Variants in MAP3K3 observed in about 807,000 individuals in gnomAD.
The protein encoded by MAP3K3 is MAP/ERK kinase kinase 3.
Under a neutral mutation model 80.9 loss-of-function variants are expected in MAP3K3, and 12 were observed. The observed-to-expected ratio is 0.15, with a 90% CI of 0.10 to 0.24. The LOEUF (loss-of-function observed/expected upper bound fraction) is 0.24. Ranked by LOEUF, MAP3K3 falls within the 10% of genes least tolerant of loss-of-function variation. The pLI is 1.00. For missense variants in MAP3K3, 596 were observed against 834.7 expected (o/e 0.71, Z 3.52); for synonymous variants, 272 against 307.1 (o/e 0.89, Z 1.19).
In MAP3K3 at chr17:63,659,525, CTTTTTTTTTTTTT is replaced by C. The variant is rs57166616; in HGVS notation, c.381+1630_381+1642del. 1.1e-4 allele frequency among the ~76,000 whole-genome samples: 7 copies of C among 64,576 alleles called. No homozygotes were observed. The South Asian group carries it at 2.6e-3, about 24-fold the overall frequency. The allele number at this position is 64,576 out of a possible 152,430, so 42.4% of individuals were successfully genotyped here. ...CTTTTGATTTCAAATCTGTCATGGA[CTTTTTTTTTTTTT>C]TTTTTTTTTTTGGAGATGGAGTCTC... On this transcript the variant is annotated intron_variant, in intron 5 of 15. Transcript: ENST00000361733.
intron 9 of MAP3K3, 79 bp from the exon 10 acceptor site, chr17:63,688,710 C>T: frequency 2.1e-6 from 3 of 1,409,228 alleles, no homozygotes; most frequent in South Asian, 1.2e-5. Flanking sequence ...TTTGAGGTCT[C>T]AGGTGCCTTG....
intron 5 of MAP3K3, among the ~76,000 whole-genome samples, chr17:63,661,353 T>C (rs1002611105): frequency 4.6e-5 from 7 of 152,208 alleles, no homozygotes; most frequent in Non-Finnish European, 1.5e-5. Flanking sequence ...GGCCAGTCTC[T>C]TTGTCTGAAA....
At chr17:63,685,152 C>T (rs1459470651) in intron 7 of MAP3K3, among the ~76,000 whole-genome samples, 1 of 152,066 alleles carries the variant, frequency 6.6e-6, no homozygotes, top group Non-Finnish European at 1.5e-5. Flanking sequence ...GGAGTGTAAA[C>T]AGAAGCATTA....
At chr17:63,644,433 C>G (rs2034503063) in intron 2 of MAP3K3, among the ~76,000 whole-genome samples, 1 of 152,162 alleles carries the variant, frequency 6.6e-6, no homozygotes, top group South Asian at 2.1e-4. Context: ...CCAGGCTGGT[C>G]TCAAACTCCT....
At chr17:63,656,107 G>A (rs2034761531) in intron 4 of MAP3K3, among the ~76,000 whole-genome samples, 1 of 151,890 alleles carries the variant, frequency 6.6e-6, no homozygotes, top group Non-Finnish European at 1.5e-5. Flanking sequence ...CCTCATGCCT[G>A]TAATCCCAGC....
At chr17:63,647,105 G>T (rs556046989) in intron 3 of MAP3K3, among the ~76,000 whole-genome samples, 6 of 152,232 alleles carry the variant, frequency 3.9e-5, no homozygotes, top group African/African-American at 1.2e-4. Flanking sequence ...TTTGCAGCTG[G>T]CTCCAGAGGA....
chr17:63,693,483 G>T lies in MAP3K3; in HGVS notation c.1653-66G>T, dbSNP rs757072888. 2.8e-6 allele frequency: 4 copies of T among 1,416,588 alleles called. No individual in the cohort carries two copies. Among genetic ancestry groups the T allele is most frequent in the Non-Finnish European group, 3.9e-6 (4 of 1,029,596 alleles). 87.8% of individuals were successfully genotyped at this position (1,416,588 alleles called of 1,614,324 possible). A position where few individuals can be genotyped will look rare whatever the true frequency, so the allele number is the denominator to read the frequency against. ...TGTGAGAAAGGCGCCTCTTTCTGCAGTGGTGGGCAGGACAGCTGGGAGTCC... is the reference window on the plus strand; with the variant it reads ...TGTGAGAAAGGCGCCTCTTTCTGCATTGGTGGGCAGGACAGCTGGGAGTCC... On this transcript the variant is annotated intron_variant, in intron 15 of 15. Coordinates refer to ENST00000361733, the MANE Select transcript of MAP3K3 (RefSeq NM_002401.5). This position sits in a 1 kb window ranked among gnomAD's most constrained non-coding sequence, Gnocchi z 4.2.
intron 3 of MAP3K3, among the ~76,000 whole-genome samples, chr17:63,649,052 G>T (rs926295742): frequency 6.6e-6 from 1 of 152,176 alleles, no homozygotes; most frequent in Non-Finnish European, 1.5e-5. Context: ...TTCTATATCT[G>T]TGCTGTCCAG....
intron 7 of MAP3K3, among the ~76,000 whole-genome samples, chr17:63,683,495 T>G (rs564071286): frequency 6.6e-6 from 1 of 152,232 alleles, no homozygotes; most frequent in Admixed American, 6.5e-5. Flanking sequence ...CCCCTTCACT[T>G]TTTTACTTTG....
Position 63,690,426 on chromosome 17 carries a change from G to A in MAP3K3, c.1212+14G>A, listed in dbSNP as rs765476339. 4.0e-5 allele frequency: 65 copies of A among 1,611,342 alleles called. No individual in the cohort carries two copies. The highest frequency in any genetic ancestry group is 1.6e-4 in the Middle Eastern group (1 of 6,074). Reference sequence around the variant, plus strand: ...GAGACAAGCAAGGTACACTTAACCCGTGGTCTGACTTCAGTTCCCTCCTTT... The same window carrying A: ...GAGACAAGCAAGGTACACTTAACCCATGGTCTGACTTCAGTTCCCTCCTTT... On this transcript the variant is annotated intron_variant, in intron 12 of 15. Coordinates refer to ENST00000361733, the MANE Select transcript of MAP3K3 (RefSeq NM_002401.5).
chr17:63,654,967 C>T (rs1041341626), intron 4 of MAP3K3, among the ~76,000 whole-genome samples: 1 of 151,802 alleles, frequency 6.6e-6, no homozygotes, highest in African/African-American at 2.4e-5. Flanking sequence ...ACCCGAGAGG[C>T]GGAGGTTGCA....
chr17:63,632,919 CT>C lies in MAP3K3; in HGVS notation c.126+120del, dbSNP rs2034247516. 4 of 1,321,580 alleles carry C rather than the reference CT, an allele frequency of 3.0e-6. No homozygotes were observed. In the African/African-American group the frequency reaches 5.8e-5, roughly 19 times the overall value. 81.9% of individuals were successfully genotyped at this position (1,321,580 alleles called of 1,614,324 possible). A position where few individuals can be genotyped will look rare whatever the true frequency, so the allele number is the denominator to read the frequency against. Reference sequence around the variant, plus strand: ...AGGGTTGAATGCTTTTGACCCCTTCCTTTCACAGTCTGTTAAATGGGAAGTA... The same window carrying C: ...AGGGTTGAATGCTTTTGACCCCTTCCTTCACAGTCTGTTAAATGGGAAGTA... On this transcript the variant is annotated intron_variant, in intron 2 of 15. Coordinates refer to ENST00000361733, the MANE Select transcript of MAP3K3 (RefSeq NM_002401.5).
At chr17:63,690,050 A>T in intron 11 of MAP3K3, 1 of 606,130 alleles carries the variant, frequency 1.6e-6, no homozygotes, top group Non-Finnish European at 2.9e-6. Flanking sequence ...TTTAACCATG[A>T]CTTCAGCCAA....
chr17:63,677,105 G>T (rs957782408), intron 6 of MAP3K3, among the ~76,000 whole-genome samples: 10 of 152,214 alleles, frequency 6.6e-5, no homozygotes, highest in African/African-American at 2.4e-4. Flanking sequence ...ATATGTACCT[G>T]TGCCAGCACA....
intron 5 of MAP3K3, among the ~76,000 whole-genome samples, chr17:63,666,338 A>G (rs1350807281): frequency 6.6e-6 from 1 of 152,164 alleles, no homozygotes; most frequent in African/African-American, 2.4e-5. Context: ...GCTACTTTTA[A>G]ACATACATAT....
intron 1 of MAP3K3, among the ~76,000 whole-genome samples, chr17:63,628,362 C>CT (rs551646151): frequency 0.037 from 5,245 of 141,442 alleles, 204 homozygotes; most frequent in African/African-American, 0.094. Context: ...CTAATTCTGT[C>CT]TTTTTTTTTT....
At chr17:63,690,970 GTC>G in intron 12 of MAP3K3, 130 bp from the exon 13 acceptor site, 1 of 1,054,768 alleles carries the variant, frequency 9.5e-7, no homozygotes, top group Admixed American at 2.2e-5. Flanking sequence ...AGTTAAGAGA[GTC>G]CCCCTTTTCT....
At chr17:63,636,518 T>G (rs2034327000) in intron 2 of MAP3K3, 1 of 154,272 alleles carries the variant, frequency 6.5e-6, no homozygotes, top group Non-Finnish European at 1.4e-5. Flanking sequence ...TTAGCAGTCA[T>G]TAACTCACAG....
At position 63,685,556 on chromosome 17, in the gene MAP3K3, G is replaced by A; in HGVS notation, c.676G>A (p.Gly226Arg). The A allele has an allele frequency of 6.2e-7, 1 of 1,614,174 alleles. No individual in the cohort carries two copies. Among genetic ancestry groups the A allele is most frequent in the Non-Finnish European group, 8.5e-7 (1 of 1,180,020 alleles). ...PLSSAENSLSGSCQSLDRSAD... is the reference protein window; with the variant it reads ...PLSSAENSLSRSCQSLDRSAD... ...GAGCAGTGCAGAAAATTCCTTGTCT[G>A]GAAGCTGCCAATCCTTGGACAGGTC... The change falls in exon 8 of 16, where the codon GGA becomes AGA. Residue 226 changes from glycine to arginine, a missense_variant. This residue lies in a region of MAP3K3 where 364 missense variants were observed against 588.9 expected (regional missense o/e 0.62). Coordinates refer to ENST00000361733, the MANE Select transcript of MAP3K3 (RefSeq NM_002401.5).
Sources: allele counts gnomAD v4.1 joint callset (sites outside exome capture counted in the v4.1 genomes callset), GRCh38; gene constraint gnomAD v4.1.1; regional missense constraint gnomAD v4.1.1; non-coding constraint Gnocchi (gnomAD v3.1); transcripts MANE v1.5; gene names NCBI Gene and HGNC (gene_info 2026-07-23, HGNC 2026-07-21).